CALCOCO1: variants seen among roughly 807,000 people sequenced by gnomAD.
The protein encoded by CALCOCO1 is calcium binding and coiled-coil domain 1.
Under a neutral mutation model 86.3 loss-of-function variants are expected in CALCOCO1, and 44 were observed. The ratio of observed to expected loss-of-function variants is 0.51; its 90% CI spans 0.40 to 0.66. CALCOCO1 has a LOEUF of 0.66. CALCOCO1 is among the 30% of genes least tolerant of loss of function. The probability of loss-of-function intolerance (pLI) is 0.00; values close to 1 mark genes in which losing one functional copy is unlikely to be tolerated. For missense variants in CALCOCO1, 708 were observed against 851.1 expected, an observed-to-expected ratio of 0.83 and a Z score of 2.09; for synonymous variants, 297 against 327.6, an observed-to-expected ratio of 0.91 and a Z score of 1.01.
rs1165472872 is a variant in CALCOCO1 at position 53,725,232 on chromosome 12, G to C, written c.11C>G (p.Ser4Ter). The C allele has an allele frequency of 1.7e-5, 27 of 1,597,700 alleles. No individual in the cohort carries two copies. Among genetic ancestry groups the C allele is most frequent in the Non-Finnish European group, 2.2e-5 (26 of 1,172,584 alleles). Reference sequence around the variant, plus strand: ...ACGGGATGGTGCCCGGCTTAGTGGTGATTCTTCCATCCTGGCCTTGAGATA... The same window carrying C: ...ACGGGATGGTGCCCGGCTTAGTGGTCATTCTTCCATCCTGGCCTTGAGATA... MEE[S>*]PLSRAPSRGG... Residue 4 changes from serine to a stop codon, truncating the protein, a stop_gained, in exon 2 of 15, where the codon TCA becomes TGA. Coordinates refer to ENST00000550804, the MANE Select transcript of CALCOCO1 (RefSeq NM_020898.3). LOFTEE classifies it high-confidence loss of function.
In CALCOCO1 at chr12:53,713,904, T is replaced by G. The variant is rs372844638; in HGVS notation, c.1592-4A>C. 6.6e-7 allele frequency: 1 copy of G among 1,526,644 alleles called. No individual in the cohort carries two copies. The highest frequency in any genetic ancestry group is 8.8e-7 in the Non-Finnish European group (1 of 1,137,300). The allele number at this position is 1,526,644 out of a possible 1,614,324, so 94.6% of individuals were successfully genotyped here. A position where few individuals can be genotyped will look rare whatever the true frequency, so the allele number is the denominator to read the frequency against. ...TCTGTCAGAGCTGCCGGGCAGCCTG[T>G]AGGAGATGAAGCAGGCAGAGAAGAA... On this transcript the variant is annotated splice_polypyrimidine_tract_variant and splice_region_variant and intron_variant, in intron 12 of 14. Transcript: ENST00000550804.
At position 53,711,471 on chromosome 12, in the gene CALCOCO1, C is replaced by A; in HGVS notation, c.*473G>T. ...AAGGGACCTGAGAGGCCATGATGTC[C>A]ATGCTGCTGCCTCTGTGCAGACCCC... On this transcript the variant is annotated 3_prime_UTR_variant, in exon 15 of 15. Coordinates refer to ENST00000550804, the MANE Select transcript of CALCOCO1 (RefSeq NM_020898.3). 2.8e-6 allele frequency: 1 copy of A among 363,384 alleles called. No homozygotes were observed. Among genetic ancestry groups the A allele is most frequent in the Non-Finnish European group, 4.9e-6 (1 of 204,640 alleles). The allele number at this position is 363,384 out of a possible 1,614,324, so 22.5% of individuals were successfully genotyped here.
At position 53,725,252 on chromosome 12, in the gene CALCOCO1, G is replaced by A; in HGVS notation, c.-10C>T. 1 of 1,577,688 alleles carries A rather than the reference G, an allele frequency of 6.3e-7. No individual in the cohort carries two copies. Among genetic ancestry groups the A allele is most frequent in the Non-Finnish European group, 8.6e-7 (1 of 1,163,148 alleles). On this transcript the variant is annotated 5_prime_UTR_variant, in exon 2 of 15. Transcript: ENST00000550804. Reference sequence around the variant, plus strand: ...GTGGTGATTCTTCCATCCTGGCCTTGAGATATCTGTCCTCCTATGAAAGAA... The same window carrying A: ...GTGGTGATTCTTCCATCCTGGCCTTAAGATATCTGTCCTCCTATGAAAGAA...
chr12:53,712,681 G>T, intron 14 of CALCOCO1: 1 of 637,244 alleles, frequency 1.6e-6, no homozygotes, highest in Non-Finnish European at 2.3e-6. Context: ...TTCAGTTGTA[G>T]CCAGATGGAT....
rs1442005184 is a variant in CALCOCO1, at chr12:53,711,710, A to T, written c.*234T>A. 2.4e-6 allele frequency: 1 copy of T among 418,004 alleles called. No individual in the cohort carries two copies. The highest frequency in any genetic ancestry group is 4.1e-5 in the East Asian group (1 of 24,600). The allele number at this position is 418,004 out of a possible 1,614,324, so 25.9% of individuals were successfully genotyped here. On this transcript the variant is annotated 3_prime_UTR_variant, in exon 15 of 15. Coordinates refer to ENST00000550804, the MANE Select transcript of CALCOCO1 (RefSeq NM_020898.3). ...GTTCCTCCAAAACCACTTTCAGGGG[A>T]TAAATTCAGCCACTGCTTCCGAACA... is the stretch of plus-strand genomic sequence containing the variant.
At chr12:53,721,682 G>A (rs1945871776) in intron 5 of CALCOCO1, 67 bp from the exon 6 acceptor site, 1 of 1,587,662 alleles carries the variant, frequency 6.3e-7, no homozygotes, top group Non-Finnish European at 8.6e-7. Context: ...TGGAACAAAG[G>A]CTTAGGAAGA....
At chr12:53,727,025 C>A (rs1165154285) in intron 1 of CALCOCO1, among the ~76,000 whole-genome samples, 1 of 152,126 alleles carries the variant, frequency 6.6e-6, no homozygotes, top group Non-Finnish European at 1.5e-5. Flanking sequence ...CTTGGAAGGT[C>A]CCCCTTCCTC....
At position 53,712,106 on chromosome 12, in the gene CALCOCO1, A is replaced by C; in HGVS notation, c.1914T>G (p.Gly638=). Reference sequence around the variant, plus strand: ...CCCCAGTGCTGGTTTCTGACAGGGTACCCACTGTAAAGCCACTAAGAGAGA... The same window carrying C: ...CCCCAGTGCTGGTTTCTGACAGGGTCCCCACTGTAAAGCCACTAAGAGAGA... ...FYDMASGFTV[G]TLSETSTGGP... Residue 638 remains glycine, a synonymous_variant, in exon 15 of 15, where the codon GGT becomes GGG. Coordinates refer to ENST00000550804, the MANE Select transcript of CALCOCO1 (RefSeq NM_020898.3). 6.2e-7 allele frequency: 1 copy of C among 1,603,892 alleles called. No homozygotes were observed. The highest frequency in any genetic ancestry group is 8.5e-7 in the Non-Finnish European group (1 of 1,174,654).
chr12:53,719,513 A>C (rs1819827404), intron 7 of CALCOCO1, among the ~76,000 whole-genome samples: 1 of 152,156 alleles, frequency 6.6e-6, no homozygotes, highest in Non-Finnish European at 1.5e-5. Flanking sequence ...GAGACAAAGT[A>C]AGACTCTGTC....
chr12:53,708,956 ATGG>A lies in CALCOCO1; in HGVS notation c.*2985_*2987del, dbSNP rs1182350065. On this transcript the variant is annotated 3_prime_UTR_variant, in exon 15 of 15. Transcript: ENST00000550804. ...GAAATGGAAGGGCAAGTTGGGACAG[ATGG>A]TGAAGACCCTGACTGGCACACTAAG... is the stretch of plus-strand genomic sequence containing the variant. 6.6e-6 allele frequency: 1 copy of A among 152,234 alleles called. No homozygotes were observed. Among genetic ancestry groups the A allele is most frequent in the Non-Finnish European group, 1.5e-5 (1 of 68,046 alleles). 9.4% of individuals were successfully genotyped at this position (152,234 alleles called of 1,614,324 possible). A position where few individuals can be genotyped will look rare whatever the true frequency, so the allele number is the denominator to read the frequency against.
chr12:53,723,028 G>A, intron 4 of CALCOCO1: 1 of 352,662 alleles, frequency 2.8e-6, no homozygotes, highest in Non-Finnish European at 5.5e-6. Flanking sequence ...ATTTCAACAT[G>A]TAGTCAAAAT....
At position 53,719,775 on chromosome 12, in the gene CALCOCO1, T is replaced by C. The variant is rs778916469; in HGVS notation, c.813A>G (p.Gln271=). ...CCTTGTCTGCTTGTACTTCTTTCAG[T>C]TGCCCAAGGAGCTTCTCTTGTTCCC... ...LTREQEKLLG[Q]LKEVQADKEQ... The change falls in exon 7 of 15, where the codon CAA becomes CAG. Residue 271 remains glutamine (Q), a synonymous_variant. Transcript: ENST00000550804. The C allele has an allele frequency of 1.2e-5, 20 of 1,613,850 alleles. No individual in the cohort carries two copies. In the Admixed American group the frequency reaches 1.3e-4, roughly 11 times the overall value.
Position 53,714,662 on chromosome 12 carries a change from G to T in CALCOCO1, c.1418C>A (p.Thr473Lys). 2 of 1,614,020 alleles carry T rather than the reference G, an allele frequency of 1.2e-6. No individual in the cohort carries two copies. The highest frequency in any genetic ancestry group is 1.7e-6 in the Non-Finnish European group (2 of 1,179,986). The change falls in exon 11 of 15, where the codon ACA becomes AAA. Residue 473 changes from threonine to lysine, a missense_variant. By Grantham distance (78) the Thr-to-Lys change is moderately conservative (BLOSUM62 -1). Coordinates refer to ENST00000550804, the MANE Select transcript of CALCOCO1 (RefSeq NM_020898.3). ...VQLSESKREL[T>K]ELRSALRVLQ... ...CACACGCAGGGCTGACCGCAGCTCT[G>T]TCAGCTCCCGCTTACTTTCTGACAA...
At position 53,721,618 on chromosome 12, in the gene CALCOCO1, G is replaced by A; in HGVS notation, c.610-3C>T. On this transcript the variant is annotated splice_polypyrimidine_tract_variant and splice_region_variant and intron_variant, in intron 5 of 14. Coordinates refer to ENST00000550804, the MANE Select transcript of CALCOCO1 (RefSeq NM_020898.3). Reference sequence around the variant, plus strand: ...TCCCCATGGGACCGGGAAATCCCCTGAAATTAAGTTTCCCCCAGAAGAAAA... The same window carrying A: ...TCCCCATGGGACCGGGAAATCCCCTAAAATTAAGTTTCCCCCAGAAGAAAA... The A allele has an allele frequency of 6.2e-7, 1 of 1,613,904 alleles. No individual in the cohort carries two copies. Among genetic ancestry groups the A allele is most frequent in the Non-Finnish European group, 8.5e-7 (1 of 1,179,960 alleles).
chr12:53,716,334 T>G lies in CALCOCO1; in HGVS notation c.931A>C (p.Ser311Arg). Residue 311 changes from serine to arginine, a missense_variant, in exon 8 of 15, where the codon AGT becomes CGT. Coordinates refer to ENST00000550804, the MANE Select transcript of CALCOCO1 (RefSeq NM_020898.3). ...TCTTTCAGTCGCTGAGCCTGAGCAC[T>G]CTGCTCCTCTTGCCAGCTCTTCGCC... ...KEAKSWQEEQ[S>R]AQAQRLKDKV... The G allele has an allele frequency of 6.2e-7, 1 of 1,614,204 alleles. No homozygotes were observed.
intron 2 of CALCOCO1, 78 bp from the exon 3 acceptor site, chr12:53,724,825 A>G: frequency 8.5e-7 from 1 of 1,179,558 alleles, no homozygotes; most frequent in Non-Finnish European, 1.2e-6. Flanking sequence ...TGAGGGGTTG[A>G]ATAAGGGGGG....
intron 7 of CALCOCO1, 148 bp downstream of exon 7, chr12:53,719,591 T>C: frequency 1.6e-6 from 1 of 629,686 alleles, no homozygotes; most frequent in South Asian, 1.9e-5. Flanking sequence ...CTCTGACTAA[T>C]CCTGATTTAG....
At chr12:53,719,166 C>T (rs1376178685) in intron 7 of CALCOCO1, among the ~76,000 whole-genome samples, 1 of 150,804 alleles carries the variant, frequency 6.6e-6, no homozygotes, top group African/African-American at 2.4e-5. Flanking sequence ...TTTAAAAAGA[C>T]TTTTCTAATG....
At chr12:53,726,952 G>A (rs760386794) in intron 1 of CALCOCO1, among the ~76,000 whole-genome samples, 1 of 152,158 alleles carries the variant, frequency 6.6e-6, no homozygotes, top group Non-Finnish European at 1.5e-5. Flanking sequence ...CACATGATGG[G>A]GCGGAGAGCG....
Sources: gnomAD v4.1 joint callset for allele counts (sites outside exome capture counted in the v4.1 genomes callset) on GRCh38, gnomAD v4.1.1 for gene constraint, MANE v1.5 for transcripts, NCBI Gene and HGNC (gene_info 2026-07-23, HGNC 2026-07-21) for gene names.